CPA6: variants seen among roughly 807,000 people sequenced by gnomAD.
CPA6 encodes carboxypeptidase B.
Under a neutral mutation model 63.3 loss-of-function variants are expected in CPA6, and 58 were observed. That is an observed-to-expected ratio of 0.92 (90% confidence interval 0.74 to 1.14). The LOEUF (loss-of-function observed/expected upper bound fraction) is 1.14, where lower values mean the gene tolerates loss of function less well. Ranked by LOEUF, CPA6 falls within the 50% of genes most tolerant of loss-of-function variation. The pLI is 0.00. For missense variants in CPA6, 565 were observed against 526.6 expected (o/e 1.07, Z -0.71); for synonymous variants, 185 against 179.0 (o/e 1.03, Z -0.27).
At chr8:67,690,371 C>G (rs956252511) in intron 1 of CPA6, among the ~76,000 whole-genome samples, 1 of 152,100 alleles carries the variant, frequency 6.6e-6, no homozygotes, top group Non-Finnish European at 1.5e-5. Context: ...ATTACTATTA[C>G]AAATTAGAAG....
intron 2 of CPA6, among the ~76,000 whole-genome samples, chr8:67,541,314 A>T (rs1363661617): frequency 2.0e-5 from 3 of 152,244 alleles, no homozygotes; most frequent in Admixed American, 6.5e-5. Flanking sequence ...TCTTATGCCT[A>T]ATTTCTGCCT....
intron 1 of CPA6, among the ~76,000 whole-genome samples, chr8:67,737,798 TAAG>T (rs1817842288): frequency 6.6e-6 from 1 of 152,188 alleles, no homozygotes; most frequent in South Asian, 2.1e-4. Flanking sequence ...TAGGAAAGGG[TAAG>T]AAGATTTCTG....
chr8:67,678,531 T>C (rs1816527342), intron 1 of CPA6, among the ~76,000 whole-genome samples: 2 of 152,156 alleles, frequency 1.3e-5, no homozygotes, highest in Admixed American at 6.5e-5. Context: ...AATGGCACAA[T>C]GTCATTAGCT....
In CPA6 at chr8:67,579,313, T is replaced by C. The variant is rs191842737; in HGVS notation, c.192+44863A>G. Among the ~76,000 whole-genome samples, 855 of 152,276 alleles carry C rather than the reference T, an allele frequency of 5.6e-3. 4 individuals are homozygous for C. The highest frequency in any genetic ancestry group is 8.0e-3 in the Non-Finnish European group (542 of 68,020). ...CTGTAATCCCAGCTGCTTGGGAGGC[T>C]GAGGCAAGAGAATCACTTGAATCCA... On this transcript the variant is annotated intron_variant, in intron 2 of 10. Transcript: ENST00000297770.
Position 67,422,705 on chromosome 8 carries a change from CA to C in CPA6, c.1127-15del, listed in dbSNP as rs60236534. 71,985 of 1,012,304 alleles carry C rather than the reference CA, an allele frequency of 0.071. No individual in the cohort carries two copies. The highest frequency in any genetic ancestry group is 0.11 in the South Asian group (6,170 of 54,438). The allele number at this position is 1,012,304 out of a possible 1,614,324, so 62.7% of individuals were successfully genotyped here. A position where few individuals can be genotyped will look rare whatever the true frequency, so the allele number is the denominator to read the frequency against. On this transcript the variant is annotated splice_polypyrimidine_tract_variant and intron_variant, in intron 10 of 10. Coordinates refer to ENST00000297770, the MANE Select transcript of CPA6 (RefSeq NM_020361.5). ...CAGAGCTCACATCTAAAAGTTAAAA[CA>C]AAAAAAAAAAGATCAGCCTCACTAA...
intron 2 of CPA6, among the ~76,000 whole-genome samples, chr8:67,577,815 G>A (rs1221380056): frequency 1.3e-5 from 2 of 152,092 alleles, no homozygotes; most frequent in Non-Finnish European, 2.9e-5. Flanking sequence ...TGCAGCCCAG[G>A]GGCTGTATCC....
chr8:67,575,627 C>T (rs573704416), intron 2 of CPA6, among the ~76,000 whole-genome samples: 3 of 152,214 alleles, frequency 2.0e-5, no homozygotes, highest in African/African-American at 7.2e-5. Flanking sequence ...GAGGCCAAGG[C>T]GAGAGGATCA....
At chr8:67,660,167 TAA>T (rs769683971) in intron 1 of CPA6, among the ~76,000 whole-genome samples, 1 of 152,132 alleles carries the variant, frequency 6.6e-6, no homozygotes, top group African/African-American at 2.4e-5. Context: ...TCAGAAAACC[TAA>T]GTCTGATTCA....
intron 8 of CPA6, among the ~76,000 whole-genome samples, chr8:67,436,692 A>G (rs190210496): frequency 7.9e-5 from 12 of 152,272 alleles, no homozygotes; most frequent in Non-Finnish European, 2.9e-5. Flanking sequence ...CAAACTATAT[A>G]TGGTATATTT....
At chr8:67,458,740 C>A (rs1368395589) in intron 8 of CPA6, among the ~76,000 whole-genome samples, 2 of 152,090 alleles carry the variant, frequency 1.3e-5, no homozygotes, top group Non-Finnish European at 2.9e-5. Flanking sequence ...GGGTTAAAGA[C>A]CTTAACAGAC....
At chr8:67,441,308 A>T (rs183937069) in intron 8 of CPA6, among the ~76,000 whole-genome samples, 65 of 152,356 alleles carry the variant, frequency 4.3e-4, no homozygotes, top group African/African-American at 1.5e-3. Flanking sequence ...TTAGAAAGAA[A>T]ATGTTAAAAC....
chr8:67,531,364 G>T (rs1286024858), intron 2 of CPA6, among the ~76,000 whole-genome samples: 8 of 151,976 alleles, frequency 5.3e-5, no homozygotes, highest in Non-Finnish European at 1.0e-4. Flanking sequence ...TTACATGCTG[G>T]TTACCAGAGA....
At chr8:67,559,493 C>T (rs557157819) in intron 2 of CPA6, among the ~76,000 whole-genome samples, 11 of 152,220 alleles carry the variant, frequency 7.2e-5, no homozygotes, top group African/African-American at 2.6e-4. Flanking sequence ...TACCATCTCT[C>T]CTTTCTAGGG....
At chr8:67,600,365 T>A (rs369066523) in intron 2 of CPA6, among the ~76,000 whole-genome samples, 1 of 79,414 alleles carries the variant, frequency 1.3e-5, no homozygotes, top group South Asian at 4.3e-4. Flanking sequence ...GGGGGTGGGT[T>A]GGGGTGGGTG....
chr8:67,711,451 T>C (rs1354930948), intron 1 of CPA6, among the ~76,000 whole-genome samples: 1 of 152,216 alleles, frequency 6.6e-6, no homozygotes, highest in Admixed American at 6.5e-5. Context: ...ATGGTACTGA[T>C]TTCCAGGGCC....
chr8:67,517,958 CAG>C lies in CPA6; in HGVS notation c.280_281del (p.Leu94ValfsTer41). On this transcript the variant is annotated frameshift_variant, in exon 3 of 11. Coordinates refer to ENST00000297770, the MANE Select transcript of CPA6 (RefSeq NM_020361.5). LOFTEE classifies it high-confidence loss of function. ...TGTTGGCTTCCTGTAAGAAGGCTAA[CAG>C]GGCTCGGGAACCATTTTGGGGGATA... ...VHIPQNGSRA[L>X]LAFLQEANIQ... 1.2e-6 allele frequency: 2 copies of C among 1,612,826 alleles called. No homozygotes were observed. Among genetic ancestry groups the C allele is most frequent in the East Asian group, 2.2e-5 (1 of 44,844 alleles).
chr8:67,579,452 T>C (rs1259784540), intron 2 of CPA6, among the ~76,000 whole-genome samples: 1 of 152,198 alleles, frequency 6.6e-6, no homozygotes, highest in African/African-American at 2.4e-5. Flanking sequence ...TAATCACATA[T>C]TTTAAAGTGA....
chr8:67,634,227 G>GT (rs537531200), intron 1 of CPA6, among the ~76,000 whole-genome samples: 9,132 of 126,596 alleles, frequency 0.072, 550 homozygotes, highest in South Asian at 0.15. Flanking sequence ...TTATTTATTT[G>GT]TTTTTTTTTT....
chr8:67,613,778 A>G (rs1311324051), intron 2 of CPA6, among the ~76,000 whole-genome samples: 1 of 152,160 alleles, frequency 6.6e-6, no homozygotes, highest in Non-Finnish European at 1.5e-5. Flanking sequence ...TTTGTGCCCA[A>G]AAAGTTGCCT....
Sources: gnomAD v4.1 joint callset for allele counts (sites outside exome capture counted in the v4.1 genomes callset) on GRCh38, gnomAD v4.1.1 for gene constraint, MANE v1.5 for transcripts, NCBI Gene and HGNC (gene_info 2026-07-23, HGNC 2026-07-21) for gene names.